CNTN5: variants seen among roughly 807,000 people sequenced by gnomAD.
CNTN5 encodes contactin-5.
CNTN5 carries 77 observed loss-of-function variants against 129.1 expected under a neutral mutation model. The observed-to-expected ratio is 0.60, with a 90% CI of 0.50 to 0.72. The LOEUF (loss-of-function observed/expected upper bound fraction) is 0.72, where lower values mean the gene tolerates loss of function less well. CNTN5 is among the 30% of genes least tolerant of loss of function. CNTN5 has a pLI of 0.00. For synonymous variants in CNTN5, 509 were observed against 465.6 expected (o/e 1.09, Z -1.20); for missense variants, 1,478 against 1,328.8 (o/e 1.11, Z -1.75).
At chr11:99,636,740 C>T (rs952392792) in intron 3 of CNTN5, among the ~76,000 whole-genome samples, 5 of 150,566 alleles carry the variant, frequency 3.3e-5, no homozygotes, top group African/African-American at 1.2e-4. Context: ...CTCAGCTGGG[C>T]GCGGTGGCTC....
At chr11:99,474,522 C>T (rs1410138048) in intron 2 of CNTN5, among the ~76,000 whole-genome samples, 4 of 151,942 alleles carry the variant, frequency 2.6e-5, no homozygotes, top group East Asian at 1.9e-4. Flanking sequence ...AAGCCCATTT[C>T]GTTGTCTTTT....
chr11:99,721,180 C>G (rs987216104), intron 3 of CNTN5, among the ~76,000 whole-genome samples: 5 of 152,010 alleles, frequency 3.3e-5, no homozygotes, highest in African/African-American at 1.2e-4. Context: ...GAGTAGCCAA[C>G]GCCTTCCTAA....
chr11:99,656,673 G>A (rs1456369638), intron 3 of CNTN5, among the ~76,000 whole-genome samples: 1 of 152,092 alleles, frequency 6.6e-6, no homozygotes, highest in Non-Finnish European at 1.5e-5. Context: ...GCCAGTCTCA[G>A]CAAAGATGCC....
chr11:99,886,874 A>G (rs1948913931), intron 6 of CNTN5, among the ~76,000 whole-genome samples: 1 of 152,174 alleles, frequency 6.6e-6, no homozygotes, highest in Non-Finnish European at 1.5e-5. Context: ...TTTTGTGATA[A>G]GCATATGTGA....
intron 21 of CNTN5, among the ~76,000 whole-genome samples, chr11:100,340,020 A>G (rs1952125631): frequency 6.6e-6 from 1 of 152,196 alleles, no homozygotes; most frequent in Non-Finnish European, 1.5e-5. Context: ...AAACTGATAC[A>G]GCTCGTGTGA....
intron 1 of CNTN5, among the ~76,000 whole-genome samples, chr11:99,098,703 T>C (rs1866587547): frequency 6.6e-6 from 1 of 152,158 alleles, no homozygotes; most frequent in Non-Finnish European, 1.5e-5. Flanking sequence ...TTTAATCTCT[T>C]ATGTACATTT....
chr11:99,249,965 T>A (rs1862017533), intron 1 of CNTN5, among the ~76,000 whole-genome samples: 2 of 151,990 alleles, frequency 1.3e-5, no homozygotes, highest in South Asian at 4.1e-4. Context: ...TTGTTTGAGC[T>A]TTTTTGTTAT....
intron 6 of CNTN5, among the ~76,000 whole-genome samples, chr11:99,884,682 A>G (rs971202027): frequency 2.6e-5 from 4 of 152,244 alleles, no homozygotes; most frequent in Non-Finnish European, 5.9e-5. Flanking sequence ...AGAGATGTTA[A>G]AAACAGTAAG....
intron 9 of CNTN5, among the ~76,000 whole-genome samples, chr11:100,004,995 G>T (rs1480224039): frequency 6.6e-6 from 1 of 152,184 alleles, no homozygotes; most frequent in Non-Finnish European, 1.5e-5. Flanking sequence ...AGGCAAGGCA[G>T]AGGGTCTGCA....
At position 100,356,314 on chromosome 11, in the gene CNTN5, G is replaced by C. The variant is rs1952524289; in HGVS notation, c.*94G>C. The C allele has an allele frequency of 1.2e-6, 1 of 865,062 alleles. No individual in the cohort carries two copies. Among genetic ancestry groups the C allele is most frequent in the Non-Finnish European group, 1.9e-6 (1 of 531,196 alleles). 53.6% of individuals were successfully genotyped at this position (865,062 alleles called of 1,614,324 possible). A position where few individuals can be genotyped will look rare whatever the true frequency, so the allele number is the denominator to read the frequency against. ...GTGGAGAACCAGGATCCTGAGATGA[G>C]CTTGAGCTTTAAAAACTTGGGACTA... On this transcript the variant is annotated 3_prime_UTR_variant, in exon 25 of 25. Transcript: ENST00000524871.
intron 13 of CNTN5, among the ~76,000 whole-genome samples, chr11:100,123,181 C>T (rs1424025851): frequency 6.6e-6 from 1 of 151,714 alleles, no homozygotes; most frequent in Non-Finnish European, 1.5e-5. Flanking sequence ...AGGAGTCTAA[C>T]AAAACTAATG....
At chr11:100,183,505 TATGTA>T (rs938543598) in intron 13 of CNTN5, among the ~76,000 whole-genome samples, 4 of 152,120 alleles carry the variant, frequency 2.6e-5, no homozygotes, top group African/African-American at 9.7e-5. Flanking sequence ...AGAGTAAAAG[TATGTA>T]ATGTATTATT....
At chr11:99,658,154 CAAAA>C (rs112750637) in intron 3 of CNTN5, among the ~76,000 whole-genome samples, 6 of 150,418 alleles carry the variant, frequency 4.0e-5, no homozygotes, top group Admixed American at 2.0e-4. Context: ...AAAAGCAAAA[CAAAA>C]AAAAATTACT....
intron 6 of CNTN5, among the ~76,000 whole-genome samples, chr11:99,888,576 G>A (rs551799163): frequency 6.6e-6 from 1 of 152,290 alleles, no homozygotes; most frequent in South Asian, 2.1e-4. Flanking sequence ...AAAGAGAGCT[G>A]AAACAGGCTT....
chr11:100,056,050 A>C lies in CNTN5; in HGVS notation c.981-5162A>C, dbSNP rs533517255. Among the ~76,000 whole-genome samples, 5 of 151,564 alleles carry C rather than the reference A, an allele frequency of 3.3e-5. No homozygotes were observed. In the South Asian group the frequency reaches 8.3e-4, roughly 25 times the overall value. ...ACTTTTGGAAATATTCTCTTCAACT[A>C]TGTCTAATTTGATGTATAACCCAGC... On this transcript the variant is annotated intron_variant, in intron 9 of 24. Transcript: ENST00000524871.
At chr11:99,918,716 A>G (rs917597227) in intron 7 of CNTN5, among the ~76,000 whole-genome samples, 29 of 152,312 alleles carry the variant, frequency 1.9e-4, no homozygotes, top group African/African-American at 7.0e-4. Flanking sequence ...TAAGTCAGAT[A>G]CAAAAGAATT....
intron 18 of CNTN5, among the ~76,000 whole-genome samples, chr11:100,291,992 C>T (rs955564070): frequency 5.3e-5 from 8 of 151,738 alleles, no homozygotes; most frequent in South Asian, 2.1e-4. Flanking sequence ...AGCACTTTTA[C>T]GTACTAGAGC....
chr11:100,042,524 T>G (rs556734331), intron 9 of CNTN5, among the ~76,000 whole-genome samples: 1 of 152,182 alleles, frequency 6.6e-6, no homozygotes, highest in East Asian at 1.9e-4. Context: ...TGATTTGCAG[T>G]TGGGGAGTAC....
intron 1 of CNTN5, among the ~76,000 whole-genome samples, chr11:99,279,188 A>C (rs1863584371): frequency 1.3e-5 from 2 of 151,778 alleles, no homozygotes; most frequent in South Asian, 4.1e-4. Context: ...TATTGGACTC[A>C]CTGCCTCCTC....
Sources: allele counts gnomAD v4.1 joint callset (sites outside exome capture counted in the v4.1 genomes callset), GRCh38; gene constraint gnomAD v4.1.1; transcripts MANE v1.5; gene names NCBI Gene and HGNC (gene_info 2026-07-23, HGNC 2026-07-21).